The following PTPRN2 variants were observed in gnomAD, a reference collection of about 807,000 sequenced individuals.
PTPRN2 encodes the protein receptor-type tyrosine-protein phosphatase N2.
PTPRN2 carries 74 observed loss-of-function variants against 118.8 expected under a neutral mutation model. The observed-to-expected ratio is 0.62, with a 90% CI of 0.52 to 0.76. PTPRN2 has a LOEUF of 0.76. Among genes scored for constraint, PTPRN2 ranks in the 30% least tolerant of loss-of-function variants. The pLI is 0.00. For missense variants in PTPRN2, 1,481 were observed against 1,394.4 expected, an observed-to-expected ratio of 1.06 and a Z score of -0.99; for synonymous variants, 641 against 608.0, an observed-to-expected ratio of 1.05 and a Z score of -0.80.
intron 2 of PTPRN2, among the ~76,000 whole-genome samples, chr7:158,382,411 T>C (rs76833133): frequency 0.013 from 1,979 of 150,686 alleles, 41 homozygotes; most frequent in African/African-American, 0.044. Context: ...GCGACTGTTC[T>C]CCTCCCCACT....
At chr7:157,668,862 G>A (rs936130292) in intron 13 of PTPRN2, among the ~76,000 whole-genome samples, 6 of 152,142 alleles carry the variant, frequency 3.9e-5, no homozygotes, top group African/African-American at 1.2e-4. Context: ...TGTTAAACGG[G>A]GTCATGTGTC....
intron 13 of PTPRN2, among the ~76,000 whole-genome samples, chr7:157,679,810 C>T (rs1220642415): frequency 3.3e-5 from 5 of 152,164 alleles, no homozygotes; most frequent in South Asian, 2.1e-4. Context: ...GAGGGCCCCC[C>T]AGGTCACGCG....
At chr7:158,437,917 T>C (rs1586671033) in intron 2 of PTPRN2, among the ~76,000 whole-genome samples, 1 of 152,320 alleles carries the variant, frequency 6.6e-6, no homozygotes, top group East Asian at 1.9e-4. Context: ...TATTTGTGTG[T>C]TGATGACCCT....
chr7:157,960,415 G>T (rs915453300), intron 11 of PTPRN2, among the ~76,000 whole-genome samples: 5 of 152,148 alleles, frequency 3.3e-5, no homozygotes, highest in African/African-American at 1.2e-4. Flanking sequence ...GTTTTAAACT[G>T]TAAATCAATA....
chr7:158,424,429 G>A (rs1388791313), intron 2 of PTPRN2, among the ~76,000 whole-genome samples: 1 of 152,066 alleles, frequency 6.6e-6, no homozygotes, highest in Non-Finnish European at 1.5e-5. Context: ...TCCGGGGGCC[G>A]AGTGAACATC....
At chr7:158,175,062 G>A (rs1430050798) in intron 5 of PTPRN2, among the ~76,000 whole-genome samples, 5 of 152,210 alleles carry the variant, frequency 3.3e-5, no homozygotes, top group Admixed American at 1.3e-4. Context: ...TCTGGGTGGA[G>A]GAGACTCCTG....
intron 12 of PTPRN2, among the ~76,000 whole-genome samples, chr7:157,772,467 G>A (rs1449668993): frequency 1.3e-5 from 2 of 152,226 alleles, no homozygotes; most frequent in Admixed American, 6.5e-5. Flanking sequence ...GCTGCAGTGT[G>A]AGCCCAGCAG....
At chr7:158,478,913 T>G (rs1012059671) in intron 2 of PTPRN2, among the ~76,000 whole-genome samples, 2 of 151,534 alleles carry the variant, frequency 1.3e-5, no homozygotes, top group African/African-American at 4.9e-5. Flanking sequence ...GAAGCAGAGG[T>G]GAAAGTGGCC....
chr7:157,865,151 C>T (rs1475864497), intron 12 of PTPRN2: 4 of 152,366 alleles, frequency 2.6e-5, no homozygotes, highest in Non-Finnish European at 4.4e-5. Flanking sequence ...AGGCTCCTTC[C>T]CAAGTGCTGC....
intron 11 of PTPRN2, among the ~76,000 whole-genome samples, chr7:158,008,561 C>T (rs73745059): frequency 1.4e-3 from 215 of 152,340 alleles, no homozygotes; most frequent in African/African-American, 5.0e-3. Context: ...TTTTGTCTTC[C>T]ACTGATTCTT....
intron 2 of PTPRN2, among the ~76,000 whole-genome samples, chr7:158,441,622 GTGGTGA>G (rs1190418401): frequency 9.5e-6 from 1 of 104,794 alleles, no homozygotes; most frequent in East Asian, 3.3e-4. Context: ...AGTGGTGGTG[GTGGTGA>G]TAGTGATGGT....
At position 158,345,491 on chromosome 7, in the gene PTPRN2, GT is replaced by G. The variant is rs1173491060; in HGVS notation, c.164-28560del. The stretch of plus-strand genomic sequence containing the variant: ...GAAAGAACAAAGACAAAGGCCACCG[GT>G]TTTGGAAGCCCCAGGTAGAAGGAGA... On this transcript the variant is annotated intron_variant, in intron 2 of 22. Coordinates refer to ENST00000389418, the MANE Select transcript of PTPRN2 (RefSeq NM_002847.5). Among the ~76,000 whole-genome samples, 3 of 152,162 alleles carry G rather than the reference GT, an allele frequency of 2.0e-5. No homozygotes were observed. In the East Asian group the frequency reaches 5.8e-4, roughly 29 times the overall value.
chr7:158,522,176 TACTG>T (rs1188152047), intron 1 of PTPRN2, among the ~76,000 whole-genome samples: 4 of 79,660 alleles, frequency 5.0e-5, no homozygotes, highest in Admixed American at 2.7e-4. Flanking sequence ...ACTGTCCGGG[TACTG>T]GCTCGGGAGG....
In PTPRN2 at chr7:157,596,114, G is replaced by A. The variant is rs1210898613; in HGVS notation, c.2419-799C>T. Among the ~76,000 whole-genome samples, 2 of 152,252 alleles carry A rather than the reference G, an allele frequency of 1.3e-5. No homozygotes were observed. The highest frequency in any genetic ancestry group is 2.9e-5 in the Non-Finnish European group (2 of 68,044). ...GAGGCTGAGCTCCAAGCTCTCAATG[G>A]AGAGTGTGAACAGGGTTCCTCCAGG... On this transcript the variant is annotated intron_variant, in intron 16 of 22. Coordinates refer to ENST00000389418, the MANE Select transcript of PTPRN2 (RefSeq NM_002847.5). The surrounding 1 kb of genome is among the most constrained non-coding windows in gnomAD (Gnocchi z 4.2).
At chr7:158,451,943 G>T (rs1429523621) in intron 2 of PTPRN2, among the ~76,000 whole-genome samples, 1 of 151,978 alleles carries the variant, frequency 6.6e-6, no homozygotes, top group Non-Finnish European at 1.5e-5. Context: ...TTTATTTTGG[G>T]GTAAGGAGTT....
chr7:157,915,550 G>A lies in PTPRN2; in HGVS notation c.1724-16813C>T, dbSNP rs866333382. 3.1e-4 allele frequency among the ~76,000 whole-genome samples: 46 copies of A among 150,294 alleles called. No homozygotes were observed. The Middle Eastern group carries it at 0.01, about 34-fold the overall frequency. On this transcript the variant is annotated intron_variant, in intron 11 of 22. Transcript: ENST00000389418. ...AGAGCTGAGAAGACACTCTATCATC[G>A]GTCACCATTACCCTGCAGTCATGGT...
chr7:158,170,653 G>T (rs1286278095), intron 5 of PTPRN2, among the ~76,000 whole-genome samples: 1 of 152,198 alleles, frequency 6.6e-6, no homozygotes, highest in Non-Finnish European at 1.5e-5. Context: ...TGCAGACACT[G>T]GGGTGTTTCT....
chr7:158,138,398 A>G lies in PTPRN2; in HGVS notation c.1028T>C (p.Val343Ala), dbSNP rs1819043236. 1.2e-6 allele frequency: 2 copies of G among 1,613,700 alleles called. No individual in the cohort carries two copies. The highest frequency in any genetic ancestry group is 1.7e-6 in the Non-Finnish European group (2 of 1,179,906). Residue 343 changes from valine (V) to alanine (A), a missense_variant, in exon 7 of 23, where the codon GTG (valine) becomes GCG (alanine). By Grantham distance (64) the Val-to-Ala change is moderately conservative (BLOSUM62 0). This residue lies in a region of PTPRN2 where 1,115 missense variants were observed against 994.2 expected (regional missense o/e 1.12). Transcript: ENST00000389418. ...GCTGCCTCGAGCTACTCCATGGTCC[A>G]CGCCTTGCATCAGGCCAGCCATCAG... ...AELMAGLMQG[V>A]DHGVARGSPG...
chr7:158,127,337 A>G (rs1369841699), intron 9 of PTPRN2, among the ~76,000 whole-genome samples: 1 of 151,366 alleles, frequency 6.6e-6, no homozygotes, highest in East Asian at 1.9e-4. Context: ...TGCGCCCTGC[A>G]TCCTCTGCAC....
Sources: allele counts gnomAD v4.1 joint callset (sites outside exome capture counted in the v4.1 genomes callset), GRCh38; gene constraint gnomAD v4.1.1; regional missense constraint gnomAD v4.1.1; non-coding constraint Gnocchi (gnomAD v3.1); transcripts MANE v1.5; gene names NCBI Gene and HGNC (gene_info 2026-07-23, HGNC 2026-07-21).